Variants in ATXN7L3B observed in about 807,000 individuals in gnomAD.
ATXN7L3B encodes ataxin 7 like 3B, also known as ataxin-7-like protein 3B.
A neutral mutation model predicts 6.3 loss-of-function variants in ATXN7L3B; 4 were observed. That is an observed-to-expected ratio of 0.63 (90% confidence interval 0.31 to 1.45). ATXN7L3B has a LOEUF of 1.45. Among genes scored for constraint, ATXN7L3B ranks in the 40% most tolerant of loss-of-function variants. The pLI, the probability that ATXN7L3B is intolerant of heterozygous loss-of-function variation, is 0.07. For missense variants in ATXN7L3B, 120 were observed against 118.5 expected (o/e 1.01, Z -0.06); for synonymous variants, 63 against 48.0 (o/e 1.31, Z -1.29).
rs1305193275 is a variant in ATXN7L3B, at chr12:74,542,458, C to G, written c.*4052C>G. ...GGAGTTTAATATATTTAGTGCTAAG[C>G]TAATTAGTTTTCTAAAAAGATAATT... On this transcript the variant is annotated 3_prime_UTR_variant, in exon 1 of 1. Transcript: ENST00000519948. 6.6e-6 allele frequency: 1 copy of G among 151,952 alleles called. No individual in the cohort carries two copies. The highest frequency in any genetic ancestry group is 1.5e-5 in the Non-Finnish European group (1 of 67,998). 9.4% of individuals were successfully genotyped at this position (151,952 alleles called of 1,614,324 possible).
Position 74,543,510 on chromosome 12 carries a change from CTT to C in ATXN7L3B, c.*5107_*5108del, listed in dbSNP as rs1418644775. The stretch of plus-strand genomic sequence containing the variant: ...TTTAAGTAAATGAATACATCTATAA[CTT>C]TTAAAACACCACACAATTAGAATTT... On this transcript the variant is annotated 3_prime_UTR_variant, in exon 1 of 1. Coordinates refer to ENST00000519948, the MANE Select transcript of ATXN7L3B (RefSeq NM_001136262.2). 4 of 151,998 alleles carry C rather than the reference CTT, an allele frequency of 2.6e-5. No homozygotes were observed. Among genetic ancestry groups the C allele is most frequent in the Non-Finnish European group, 4.4e-5 (3 of 67,920 alleles). 9.4% of individuals were successfully genotyped at this position (151,998 alleles called of 1,614,324 possible).
In ATXN7L3B at chr12:74,541,130, G is replaced by GT. The variant is rs1491274404; in HGVS notation, c.*2725dup. 1 of 129,998 alleles carries GT rather than the reference G, an allele frequency of 7.7e-6. No individual in the cohort carries two copies. Among genetic ancestry groups the GT allele is most frequent in the African/African-American group, 3.8e-5 (1 of 26,348 alleles). The allele number at this position is 129,998 out of a possible 1,614,324, so 8.1% of individuals were successfully genotyped here. ...CCCTGCAATCCTATTATGTATCTGA[G>GT]TGTGTGTGTGTGTGTATGTGTGTGT... On this transcript the variant is annotated 3_prime_UTR_variant, in exon 1 of 1. Transcript: ENST00000519948.
At position 74,538,477 on chromosome 12, in the gene ATXN7L3B, TAAGTAGAAAA is replaced by T. The variant is rs1471965360; in HGVS notation, c.*83_*92del. The stretch of plus-strand genomic sequence containing the variant: ...GGTCCTGTGGCTTCGAGGAGTAAGC[TAAGTAGAAAA>T]AAGTAGAAAAATCAGACAAAAGTTT... On this transcript the variant is annotated 3_prime_UTR_variant, in exon 1 of 1. Coordinates refer to ENST00000519948, the MANE Select transcript of ATXN7L3B (RefSeq NM_001136262.2). 8.0e-6 allele frequency: 11 copies of T among 1,372,212 alleles called. No individual in the cohort carries two copies. Among genetic ancestry groups the T allele is most frequent in the Admixed American group, 2.8e-5 (1 of 35,816 alleles). The allele number at this position is 1,372,212 out of a possible 1,614,324, so 85.0% of individuals were successfully genotyped here.
In ATXN7L3B at chr12:74,541,743, A is replaced by G. The variant is rs544654410; in HGVS notation, c.*3337A>G. The stretch of plus-strand genomic sequence containing the variant: ...TGTCACTAAAAGCCCACTGTGACAG[A>G]TAGTTCCATTTGAATTGAACTCAAT... On this transcript the variant is annotated 3_prime_UTR_variant, in exon 1 of 1. Coordinates refer to ENST00000519948, the MANE Select transcript of ATXN7L3B (RefSeq NM_001136262.2). The G allele has an allele frequency of 3.6e-4, 55 of 152,324 alleles. 1 individual carries two copies. Among genetic ancestry groups the G allele is most frequent in the African/African-American group, 1.2e-3 (49 of 41,564 alleles). 9.4% of individuals were successfully genotyped at this position (152,324 alleles called of 1,614,324 possible). A position where few individuals can be genotyped will look rare whatever the true frequency, so the allele number is the denominator to read the frequency against.
In ATXN7L3B at chr12:74,539,426, A is replaced by T. The variant is rs1363752776; in HGVS notation, c.*1020A>T. The T allele has an allele frequency of 6.0e-6, 1 of 167,220 alleles. No homozygotes were observed. Among genetic ancestry groups the T allele is most frequent in the African/African-American group, 2.4e-5 (1 of 41,440 alleles). The allele number at this position is 167,220 out of a possible 1,614,324, so 10.4% of individuals were successfully genotyped here. A position where few individuals can be genotyped will look rare whatever the true frequency, so the allele number is the denominator to read the frequency against. ...CTGTGCAGGAGGCTGTGGTTTGAAA[A>T]CTGAGCCCAGAGGGCACTTTCAGCT... On this transcript the variant is annotated 3_prime_UTR_variant, in exon 1 of 1. Transcript: ENST00000519948.
rs938272517 is a variant in ATXN7L3B, at chr12:74,538,532, C to T, written c.*126C>T. 1.3e-4 allele frequency: 122 copies of T among 927,594 alleles called. No homozygotes were observed. The highest frequency in any genetic ancestry group is 1.8e-4 in the Non-Finnish European group (112 of 623,306). 57.5% of individuals were successfully genotyped at this position (927,594 alleles called of 1,614,324 possible). A position where few individuals can be genotyped will look rare whatever the true frequency, so the allele number is the denominator to read the frequency against. On this transcript the variant is annotated 3_prime_UTR_variant, in exon 1 of 1. Transcript: ENST00000519948. ...AAGTTTTAATTCCCCCTTGAAGATC[C>T]TAGCATTTAAAAACCCAAAGTGGAT...
rs1325374658 is a variant in ATXN7L3B at position 74,545,301 on chromosome 12, G to C, written c.*6895G>C. The C allele has an allele frequency of 6.6e-6, 1 of 152,046 alleles. No homozygotes were observed. The highest frequency in any genetic ancestry group is 1.5e-5 in the Non-Finnish European group (1 of 67,932). The allele number at this position is 152,046 out of a possible 1,614,324, so 9.4% of individuals were successfully genotyped here. ...AAGTGAGAATAAATTAACCAGAGCT[G>C]TACAAATAAAATAGTAAACCTATGT... On this transcript the variant is annotated 3_prime_UTR_variant, in exon 1 of 1. Coordinates refer to ENST00000519948, the MANE Select transcript of ATXN7L3B (RefSeq NM_001136262.2).
At position 74,543,638 on chromosome 12, in the gene ATXN7L3B, TTAAAA is replaced by T. The variant is rs1216160433; in HGVS notation, c.*5236_*5240del. 1 of 151,826 alleles carries T rather than the reference TTAAAA, an allele frequency of 6.6e-6. No individual in the cohort carries two copies. The highest frequency in any genetic ancestry group is 2.4e-5 in the African/African-American group (1 of 41,336). 9.4% of individuals were successfully genotyped at this position (151,826 alleles called of 1,614,324 possible). On this transcript the variant is annotated 3_prime_UTR_variant, in exon 1 of 1. Transcript: ENST00000519948. ...TGAAGATGTTAGCAAACCAACTCCT[TTAAAA>T]TAACAAAAGTAAACATCAACAAGTC...
chr12:74,539,678 C>A lies in ATXN7L3B; in HGVS notation c.*1272C>A, dbSNP rs1868831810. The A allele has an allele frequency of 6.0e-6, 1 of 167,026 alleles. No homozygotes were observed. Among genetic ancestry groups the A allele is most frequent in the African/African-American group, 2.4e-5 (1 of 41,402 alleles). The allele number at this position is 167,026 out of a possible 1,614,324, so 10.3% of individuals were successfully genotyped here. A position where few individuals can be genotyped will look rare whatever the true frequency, so the allele number is the denominator to read the frequency against. On this transcript the variant is annotated 3_prime_UTR_variant, in exon 1 of 1. Transcript: ENST00000519948. ...GGATCTTCTTGACAACAGGAGCAGTCCTTTTATTGTTAGAAGTCAGAGAAA... is the reference window on the plus strand; with the variant it reads ...GGATCTTCTTGACAACAGGAGCAGTACTTTTATTGTTAGAAGTCAGAGAAA...
In ATXN7L3B at chr12:74,543,424, C is replaced by CA. The variant is rs1158311525; in HGVS notation, c.*5025dup. 2 of 151,008 alleles carry CA rather than the reference C, an allele frequency of 1.3e-5. No individual in the cohort carries two copies. The highest frequency in any genetic ancestry group is 3.0e-5 in the Non-Finnish European group (2 of 67,610). The allele number at this position is 151,008 out of a possible 1,614,324, so 9.4% of individuals were successfully genotyped here. The stretch of plus-strand genomic sequence containing the variant: ...AACGTTAGGGCAATGAATTTGAAAA[C>CA]AAAAAAAGGGAAGTCTATTTTAAAA... On this transcript the variant is annotated 3_prime_UTR_variant, in exon 1 of 1. Coordinates refer to ENST00000519948, the MANE Select transcript of ATXN7L3B (RefSeq NM_001136262.2).
rs898808982 is a variant in ATXN7L3B, at chr12:74,543,751, T to TA, written c.*5346dup. 1 of 151,992 alleles carries TA rather than the reference T, an allele frequency of 6.6e-6. No individual in the cohort carries two copies. The highest frequency in any genetic ancestry group is 2.4e-5 in the African/African-American group (1 of 41,426). 9.4% of individuals were successfully genotyped at this position (151,992 alleles called of 1,614,324 possible). On this transcript the variant is annotated 3_prime_UTR_variant, in exon 1 of 1. Coordinates refer to ENST00000519948, the MANE Select transcript of ATXN7L3B (RefSeq NM_001136262.2). Reference sequence around the variant, plus strand: ...AAATCCATGTGAAAATTTGAACTGATACTGAAAAATAGTTTGAAAAAATTC... The same window carrying TA: ...AAATCCATGTGAAAATTTGAACTGATAACTGAAAAATAGTTTGAAAAAATTC...
chr12:74,544,588 A>G lies in ATXN7L3B; in HGVS notation c.*6182A>G, dbSNP rs2136591596. On this transcript the variant is annotated 3_prime_UTR_variant, in exon 1 of 1. Coordinates refer to ENST00000519948, the MANE Select transcript of ATXN7L3B (RefSeq NM_001136262.2). ...ATAAACCAGTATTGTGGAACAGATTATCCATAAATAATAAAACTGTGCTCA... is the reference window on the plus strand; with the variant it reads ...ATAAACCAGTATTGTGGAACAGATTGTCCATAAATAATAAAACTGTGCTCA... The G allele has an allele frequency of 6.6e-6, 1 of 152,160 alleles. No homozygotes were observed. The highest frequency in any genetic ancestry group is 1.5e-5 in the Non-Finnish European group (1 of 67,868). The allele number at this position is 152,160 out of a possible 1,614,324, so 9.4% of individuals were successfully genotyped here.
rs1245644394 is a variant in ATXN7L3B at position 74,544,080 on chromosome 12, T to A, written c.*5674T>A. ...CATACCATTGAAAGTAGTGAGAAAA[T>A]TTAGCACAGTTACTGGATATAAGAT... On this transcript the variant is annotated 3_prime_UTR_variant, in exon 1 of 1. Coordinates refer to ENST00000519948, the MANE Select transcript of ATXN7L3B (RefSeq NM_001136262.2). 6.6e-6 allele frequency: 1 copy of A among 151,968 alleles called. No individual in the cohort carries two copies. The highest frequency in any genetic ancestry group is 1.9e-4 in the East Asian group (1 of 5,204). The allele number at this position is 151,968 out of a possible 1,614,324, so 9.4% of individuals were successfully genotyped here. A position where few individuals can be genotyped will look rare whatever the true frequency, so the allele number is the denominator to read the frequency against.
In ATXN7L3B at chr12:74,545,013, AT is replaced by A. The variant is rs1173875328; in HGVS notation, c.*6610del. 1.3e-5 allele frequency: 2 copies of A among 152,068 alleles called. No individual in the cohort carries two copies. Among genetic ancestry groups the A allele is most frequent in the African/African-American group, 2.4e-5 (1 of 41,440 alleles). 9.4% of individuals were successfully genotyped at this position (152,068 alleles called of 1,614,324 possible). ...AATGCAAACTAAAAACAAAATACCA[AT>A]TTACCCTACTCAGTATGATTAAATT... On this transcript the variant is annotated 3_prime_UTR_variant, in exon 1 of 1. Transcript: ENST00000519948.
rs1045040600 is a variant in ATXN7L3B, at chr12:74,541,342, T to G, written c.*2936T>G. The G allele has an allele frequency of 6.0e-6, 1 of 166,036 alleles. No individual in the cohort carries two copies. The highest frequency in any genetic ancestry group is 2.5e-5 in the African/African-American group (1 of 40,498). 10.3% of individuals were successfully genotyped at this position (166,036 alleles called of 1,614,324 possible). ...GAGATTTTTATTTTTGCATAAGTAGTCCATCCTATACAGATAGCTGATTAA... is the reference window on the plus strand; with the variant it reads ...GAGATTTTTATTTTTGCATAAGTAGGCCATCCTATACAGATAGCTGATTAA... On this transcript the variant is annotated 3_prime_UTR_variant, in exon 1 of 1. Coordinates refer to ENST00000519948, the MANE Select transcript of ATXN7L3B (RefSeq NM_001136262.2).
chr12:74,542,148 G>A lies in ATXN7L3B; in HGVS notation c.*3742G>A, dbSNP rs1037683661. ...GGGAAGCTTATAGATGTGTAACATG[G>A]TATTGAGTCTTCTCTTCTAGGAGCA... On this transcript the variant is annotated 3_prime_UTR_variant, in exon 1 of 1. Transcript: ENST00000519948. The A allele has an allele frequency of 6.6e-6, 1 of 152,178 alleles. No individual in the cohort carries two copies. The highest frequency in any genetic ancestry group is 2.4e-5 in the African/African-American group (1 of 41,446). The allele number at this position is 152,178 out of a possible 1,614,324, so 9.4% of individuals were successfully genotyped here.
At position 74,538,309 on chromosome 12, in the gene ATXN7L3B, A is replaced by G. The variant is rs1868775048; in HGVS notation, c.197A>G (p.Asp66Gly). The G allele has an allele frequency of 6.4e-7, 1 of 1,555,498 alleles. No individual in the cohort carries two copies. Among genetic ancestry groups the G allele is most frequent in the African/African-American group, 1.4e-5 (1 of 73,134 alleles). Residue 66 changes from aspartate to glycine, a missense_variant, in exon 1 of 1, where the codon GAC (aspartate) becomes GGC (glycine). Transcript: ENST00000519948. ...GATTTTGGCATTCAGCCAGTGGAAGACAAAGGAGCGTGCCGCCTCCCGCTT... is the reference window on the plus strand; with the variant it reads ...GATTTTGGCATTCAGCCAGTGGAAGGCAAAGGAGCGTGCCGCCTCCCGCTT... ...VKDFGIQPVE[D>G]KGACRLPLCS...
Position 74,545,107 on chromosome 12 carries a change from A to G in ATXN7L3B, c.*6701A>G, listed in dbSNP as rs985305096. 4 of 152,126 alleles carry G rather than the reference A, an allele frequency of 2.6e-5. No homozygotes were observed. Among genetic ancestry groups the G allele is most frequent in the Admixed American group, 6.5e-5 (1 of 15,278 alleles). The allele number at this position is 152,126 out of a possible 1,614,324, so 9.4% of individuals were successfully genotyped here. A position where few individuals can be genotyped will look rare whatever the true frequency, so the allele number is the denominator to read the frequency against. On this transcript the variant is annotated 3_prime_UTR_variant, in exon 1 of 1. Transcript: ENST00000519948. ...CAATTAAAACACTTAAACTGCTAGT[A>G]GGCTGTAAATTGGTAAAAAATGTTT...
At position 74,537,873 on chromosome 12, in the gene ATXN7L3B, G is replaced by C; in HGVS notation, c.-240G>C. ...AGGCGCTGAGACGGTTTGGCGGTGA[G>C]TCCTGGGCCAGGCGCAGCTGAAAGG... On this transcript the variant is annotated 5_prime_UTR_variant, in exon 1 of 1. Coordinates refer to ENST00000519948, the MANE Select transcript of ATXN7L3B (RefSeq NM_001136262.2). The C allele has an allele frequency of 1.9e-6, 1 of 536,544 alleles. No homozygotes were observed. The highest frequency in any genetic ancestry group is 2.1e-5 in the South Asian group (1 of 47,782). 33.2% of individuals were successfully genotyped at this position (536,544 alleles called of 1,614,324 possible).
Sources: gnomAD v4.1 joint callset for allele counts on GRCh38, gnomAD v4.1.1 for gene constraint, MANE v1.5 for transcripts, NCBI Gene and HGNC (gene_info 2026-07-23, HGNC 2026-07-21) for gene names.